RYR2: variants seen among roughly 807,000 people sequenced by gnomAD.
The protein encoded by RYR2 is cardiac muscle ryanodine receptor-calcium release channel.
A neutral mutation model predicts 601.1 loss-of-function variants in RYR2; 227 were observed. The observed-to-expected ratio is 0.38, with a 90% confidence interval of 0.34 to 0.42. The LOEUF (loss-of-function observed/expected upper bound fraction) is 0.42. Ranked by LOEUF, RYR2 falls within the 10% of genes least tolerant of loss-of-function variation. The pLI is 1.00. For missense variants in RYR2, 4,646 were observed against 6,156.5 expected (o/e 0.75, Z 8.21); for synonymous variants, 2,223 against 2,175.1 (o/e 1.02, Z -0.61).
intron 76 of RYR2, among the ~76,000 whole-genome samples, chr1:237,728,600 G>A (rs1185530040): frequency 6.6e-6 from 1 of 152,172 alleles, no homozygotes; most frequent in East Asian, 1.9e-4. Context: ...ATACTATGCA[G>A]CCATAAAAAA....
chr1:237,270,101 C>A (rs1689530525), intron 1 of RYR2, among the ~76,000 whole-genome samples: 1 of 152,134 alleles, frequency 6.6e-6, no homozygotes, highest in African/African-American at 2.4e-5. Flanking sequence ...AGAATCTGTT[C>A]CGTTCTTGAT....
At chr1:237,787,433 TA>T (rs1340871538) in intron 91 of RYR2, among the ~76,000 whole-genome samples, 7 of 150,618 alleles carry the variant, frequency 4.6e-5, no homozygotes, top group Non-Finnish European at 7.4e-5. Context: ...ACTAAAAATG[TA>T]AAAAAAAGTT....
At chr1:237,815,216 T>G (rs1404002840) in intron 100 of RYR2, among the ~76,000 whole-genome samples, 2 of 152,214 alleles carry the variant, frequency 1.3e-5, no homozygotes, top group South Asian at 2.1e-4. Flanking sequence ...CACATCTTTT[T>G]GTCTCACAGC....
intron 25 of RYR2, among the ~76,000 whole-genome samples, chr1:237,533,573 G>T (rs1341195089): frequency 6.6e-6 from 1 of 151,858 alleles, no homozygotes; most frequent in Admixed American, 6.6e-5. Context: ...ATAAAATCAC[G>T]GAATTATAAA....
intron 13 of RYR2, 53 bp from the exon 14 acceptor site, chr1:237,445,348 T>C: frequency 6.2e-7 from 1 of 1,607,560 alleles, no homozygotes. Flanking sequence ...TCCCTAACTC[T>C]AGTTTGGAAA....
chr1:237,710,985 G>T (rs781196005), intron 70 of RYR2, among the ~76,000 whole-genome samples: 11 of 152,044 alleles, frequency 7.2e-5, no homozygotes, highest in Non-Finnish European at 1.3e-4. Flanking sequence ...GAAAATAGGG[G>T]GAGCCCAGGA....
chr1:237,470,013 G>A (rs1258426335), intron 17 of RYR2, among the ~76,000 whole-genome samples: 1 of 152,146 alleles, frequency 6.6e-6, no homozygotes, highest in Non-Finnish European at 1.5e-5. Flanking sequence ...TAGTGCCATA[G>A]ATTGCCTCAG....
intron 24 of RYR2, among the ~76,000 whole-genome samples, chr1:237,520,457 T>G (rs1490435195): frequency 6.6e-6 from 1 of 152,166 alleles, no homozygotes; most frequent in Non-Finnish European, 1.5e-5. Flanking sequence ...ATATGGCCTT[T>G]ATTATTTTGA....
At chr1:237,708,710 G>GA (rs1688581424) in intron 68 of RYR2, 148 bp from the exon 69 acceptor site, 1 of 563,728 alleles carries the variant, frequency 1.8e-6, no homozygotes, top group Non-Finnish European at 3.0e-6. Flanking sequence ...ACTTGGACTA[G>GA]AAAAATGGCT....
chr1:237,364,388 ATATATGCTATG>A lies in RYR2; in HGVS notation c.309+22_309+32del. The A allele has an allele frequency of 2.1e-6, 3 of 1,460,128 alleles. No individual in the cohort carries two copies. Among genetic ancestry groups the A allele is most frequent in the Non-Finnish European group, 2.8e-6 (3 of 1,058,350 alleles). The allele number at this position is 1,460,128 out of a possible 1,614,324, so 90.4% of individuals were successfully genotyped here. A position where few individuals can be genotyped will look rare whatever the true frequency, so the allele number is the denominator to read the frequency against. On this transcript the variant is annotated intron_variant, in intron 5 of 104. Transcript: ENST00000366574. The stretch of plus-strand genomic sequence containing the variant: ...CATGATGAAGGTAAGACATCTTAAT[ATATATGCTATG>A]TATATATATAGCAGATATATTACTA...
At chr1:237,245,590 T>C (rs1686734007) in intron 1 of RYR2, among the ~76,000 whole-genome samples, 1 of 152,092 alleles carries the variant, frequency 6.6e-6, no homozygotes, top group Non-Finnish European at 1.5e-5. Context: ...TTGTCAACCG[T>C]GTATCAAGGT....
At chr1:237,206,726 A>G (rs1272856631) in intron 1 of RYR2, among the ~76,000 whole-genome samples, 2 of 152,190 alleles carry the variant, frequency 1.3e-5, no homozygotes, top group Non-Finnish European at 2.9e-5. Flanking sequence ...TTCTGTGGCT[A>G]TTGAATACTG....
At chr1:237,333,901 TGA>T (rs1186170170) in intron 3 of RYR2, among the ~76,000 whole-genome samples, 1 of 152,158 alleles carries the variant, frequency 6.6e-6, no homozygotes, top group African/African-American at 2.4e-5. Flanking sequence ...AGATGAACAG[TGA>T]GTCAAAAAGA....
chr1:237,486,535 C>CTTT (rs1662706382), intron 17 of RYR2, among the ~76,000 whole-genome samples: 1 of 151,860 alleles, frequency 6.6e-6, no homozygotes, highest in Non-Finnish European at 1.5e-5. Context: ...TTAAAAGACT[C>CTTT]CATAGATTAA....
At chr1:237,119,220 A>G (rs1358600991) in intron 1 of RYR2, among the ~76,000 whole-genome samples, 1 of 152,174 alleles carries the variant, frequency 6.6e-6, no homozygotes, top group Admixed American at 6.5e-5. Context: ...AGGCTGTATG[A>G]GGACACGGGG....
At chr1:237,341,226 T>A (rs1377579427) in intron 3 of RYR2, among the ~76,000 whole-genome samples, 2 of 152,194 alleles carry the variant, frequency 1.3e-5, no homozygotes, top group African/African-American at 4.8e-5. Context: ...AAATTTTCAT[T>A]TGTAAACATA....
chr1:237,445,288 T>C, intron 13 of RYR2, 113 bp from the exon 14 acceptor site: 2 of 1,340,940 alleles, frequency 1.5e-6, no homozygotes, highest in East Asian at 2.3e-5. Flanking sequence ...CCCCTGTACC[T>C]GCCTTTTGAT....
In RYR2 at chr1:237,563,147, C is replaced by T. The variant is rs555412653; in HGVS notation, c.3215-3420C>T. On this transcript the variant is annotated intron_variant, in intron 27 of 104. Transcript: ENST00000366574. ...ATGGGGCAGGGCACAGTGGCTCACA[C>T]CTGTAATCCCAGCACTTTGGGAGGC... Among the ~76,000 whole-genome samples, 17 of 152,220 alleles carry T rather than the reference C, an allele frequency of 1.1e-4. 1 individual carries two copies. In the East Asian group the frequency reaches 3.3e-3, roughly 29 times the overall value.
At chr1:237,513,801 A>G (rs1666151550) in intron 24 of RYR2, among the ~76,000 whole-genome samples, 1 of 152,230 alleles carries the variant, frequency 6.6e-6, no homozygotes, top group Admixed American at 6.5e-5. Context: ...AATATACTCT[A>G]TAATGTTCAC....
Sources: allele counts gnomAD v4.1 joint callset (sites outside exome capture counted in the v4.1 genomes callset), GRCh38; gene constraint gnomAD v4.1.1; transcripts MANE v1.5; gene names NCBI Gene and HGNC (gene_info 2026-07-23, HGNC 2026-07-21).